The following PRUNE1 variants were observed in gnomAD, a reference collection of about 807,000 sequenced individuals.
The protein encoded by PRUNE1 is prune exopolyphosphatase 1.
A neutral mutation model predicts 42.5 loss-of-function variants in PRUNE1; 25 were observed. That is an observed-to-expected ratio of 0.59 (90% CI 0.43 to 0.82). The LOEUF (loss-of-function observed/expected upper bound fraction) is 0.82. Among genes scored for constraint, PRUNE1 ranks in the 40% least tolerant of loss-of-function variants. The pLI, the probability that PRUNE1 is intolerant of heterozygous loss-of-function variation, is 0.00. For missense variants in PRUNE1, 443 were observed against 539.3 expected, an observed-to-expected ratio of 0.82 and a Z score of 1.77; for synonymous variants, 203 against 217.1, an observed-to-expected ratio of 0.93 and a Z score of 0.57.
intron 6 of PRUNE1, among the ~76,000 whole-genome samples, chr1:151,027,783 C>CGCGCGTGTATGTAT (rs1674964917): frequency 7.7e-6 from 1 of 129,604 alleles, no homozygotes; most frequent in Admixed American, 7.8e-5. Flanking sequence ...TGTGTGTGTG[C>CGCGCGTGTATGTAT]GCGCGCGTGT....
At position 151,027,197 on chromosome 1, in the gene PRUNE1, C is replaced by T. The variant is rs766502738; in HGVS notation, c.680-36C>T. On this transcript the variant is annotated intron_variant, in intron 5 of 7. Coordinates refer to ENST00000271620, the MANE Select transcript of PRUNE1 (RefSeq NM_021222.3). ...TTCTTGGTCTTGGGACCCTGGCCTACCCTGTTTGACCCCTAGTCTCTCATC... is the reference window on the plus strand; with the variant it reads ...TTCTTGGTCTTGGGACCCTGGCCTATCCTGTTTGACCCCTAGTCTCTCATC... The T allele has an allele frequency of 2.0e-6, 3 of 1,509,294 alleles. No homozygotes were observed. In the Admixed American group the frequency reaches 5.0e-5, roughly 25 times the overall value. The allele number at this position is 1,509,294 out of a possible 1,614,324, so 93.5% of individuals were successfully genotyped here.
chr1:151,027,074 C>T (rs1340321695), intron 5 of PRUNE1, among the ~76,000 whole-genome samples, 159 bp from the exon 6 acceptor site: 1 of 152,090 alleles, frequency 6.6e-6, no homozygotes, highest in African/African-American at 2.4e-5. Flanking sequence ...GCCTGAGTCA[C>T]CGCGCCCGGC....
At chr1:151,032,584 C>T (rs1675301645) in intron 7 of PRUNE1, among the ~76,000 whole-genome samples, 1 of 151,734 alleles carries the variant, frequency 6.6e-6, no homozygotes, top group African/African-American at 2.4e-5. Flanking sequence ...CTGGGTGACA[C>T]ATGCCTGTAG....
chr1:151,021,462 A>T (rs1021888687), intron 3 of PRUNE1, among the ~76,000 whole-genome samples: 14 of 152,208 alleles, frequency 9.2e-5, no homozygotes, highest in African/African-American at 3.1e-4. Flanking sequence ...TCTCAAAAAA[A>T]AATTTTTTTT....
At position 151,027,771 on chromosome 1, in the gene PRUNE1, TGTGTGTGTGTGC is replaced by T. The variant is rs1416244307; in HGVS notation, c.774+446_774+457del. Among the ~76,000 whole-genome samples, 68 of 141,498 alleles carry T rather than the reference TGTGTGTGTGTGC, an allele frequency of 4.8e-4. 1 individual carries two copies. In the East Asian group the frequency reaches 9.4e-3, roughly 20 times the overall value. 92.8% of individuals were successfully genotyped at this position (141,498 alleles called of 152,430 possible). ...TAGTGTGTGTGTGTGTGTGTGTGTG[TGTGTGTGTGTGC>T]GCGCGCGTGTATGTATGTGTCGATG... On this transcript the variant is annotated intron_variant, in intron 6 of 7. Transcript: ENST00000271620.
intron 7 of PRUNE1, 87 bp downstream of exon 7, chr1:151,029,031 C>T (rs1675062107): frequency 2.2e-6 from 3 of 1,362,928 alleles, no homozygotes; most frequent in Non-Finnish European, 3.0e-6. Flanking sequence ...CTATAAGGAC[C>T]TCTCTTAGGT....
intron 1 of PRUNE1, among the ~76,000 whole-genome samples, chr1:151,015,344 A>AG (rs1558074922): frequency 1.4e-5 from 2 of 142,176 alleles, no homozygotes; most frequent in South Asian, 2.3e-4. Flanking sequence ...AAAAAAAAAA[A>AG]AAAAACAAGG....
Position 151,035,156 on chromosome 1 carries a change from C to T in PRUNE1, c.*922C>T, listed in dbSNP as rs1005240214. ...TGTATTTTGGCAAGACACTTCACTA[C>T]TCCAGGTCTCACTTTCCCCATCTGT... is the stretch of plus-strand genomic sequence containing the variant. On this transcript the variant is annotated 3_prime_UTR_variant, in exon 8 of 8. Coordinates refer to ENST00000271620, the MANE Select transcript of PRUNE1 (RefSeq NM_021222.3). The T allele has an allele frequency of 2.6e-5, 4 of 152,230 alleles. No individual in the cohort carries two copies. The highest frequency in any genetic ancestry group is 7.2e-5 in the African/African-American group (3 of 41,456). The allele number at this position is 152,230 out of a possible 1,614,324, so 9.4% of individuals were successfully genotyped here.
intron 5 of PRUNE1, among the ~76,000 whole-genome samples, chr1:151,026,373 G>A (rs1221711603): frequency 1.3e-5 from 2 of 151,778 alleles, no homozygotes; most frequent in Admixed American, 6.6e-5. Flanking sequence ...CAGGAAAATC[G>A]CTTGAACCCG....
intron 5 of PRUNE1, among the ~76,000 whole-genome samples, 157 bp from the exon 6 acceptor site, chr1:151,027,076 G>A (rs587762124): frequency 1.1e-4 from 16 of 151,974 alleles, no homozygotes; most frequent in African/African-American, 3.4e-4. Flanking sequence ...CTGAGTCACC[G>A]CGCCCGGCTA....
chr1:151,034,412 C>T lies in PRUNE1; in HGVS notation c.*178C>T. 1.6e-6 allele frequency: 1 copy of T among 631,034 alleles called. No individual in the cohort carries two copies. Among genetic ancestry groups the T allele is most frequent in the Non-Finnish European group, 2.7e-6 (1 of 370,686 alleles). The allele number at this position is 631,034 out of a possible 1,614,324, so 39.1% of individuals were successfully genotyped here. On this transcript the variant is annotated 3_prime_UTR_variant, in exon 8 of 8. Coordinates refer to ENST00000271620, the MANE Select transcript of PRUNE1 (RefSeq NM_021222.3). ...AAGCAGCTGCTTTAAGAATGGTTTT[C>T]CACCTTTTCCCCCTAATCTCTACCA...
At chr1:151,024,507 G>T in intron 3 of PRUNE1, 104 bp from the exon 4 acceptor site, 4 of 1,070,176 alleles carry the variant, frequency 3.7e-6, no homozygotes, top group Non-Finnish European at 5.5e-6. Flanking sequence ...AAAAAAAAAA[G>T]ACATCTGCAT....
intron 1 of PRUNE1, among the ~76,000 whole-genome samples, chr1:151,013,487 T>G (rs1673908918): frequency 2.6e-5 from 4 of 152,238 alleles, no homozygotes; most frequent in Admixed American, 2.0e-4. Flanking sequence ...CCCTACTTTG[T>G]GCTTTTCTGC....
intron 7 of PRUNE1, among the ~76,000 whole-genome samples, chr1:151,032,263 G>T (rs1472614383): frequency 6.7e-6 from 1 of 149,194 alleles, no homozygotes; most frequent in African/African-American, 2.5e-5. Context: ...AAAAATTAAA[G>T]TAAAATAAAA....
At position 151,034,642 on chromosome 1, in the gene PRUNE1, T is replaced by G. The variant is rs1006128733; in HGVS notation, c.*408T>G. 5.9e-6 allele frequency: 1 copy of G among 168,836 alleles called. No homozygotes were observed. The highest frequency in any genetic ancestry group is 2.4e-5 in the African/African-American group (1 of 42,078). The allele number at this position is 168,836 out of a possible 1,614,324, so 10.5% of individuals were successfully genotyped here. Reference sequence around the variant, plus strand: ...GTCTCCATGTATTCATTTATTCACTTGTTCATTCAAGTATTTATTGAATAC... The same window carrying G: ...GTCTCCATGTATTCATTTATTCACTGGTTCATTCAAGTATTTATTGAATAC... On this transcript the variant is annotated 3_prime_UTR_variant, in exon 8 of 8. Coordinates refer to ENST00000271620, the MANE Select transcript of PRUNE1 (RefSeq NM_021222.3).
chr1:151,008,600 G>A lies in PRUNE1; in HGVS notation c.-33G>A. ...TCCTCGACCAGGGGCACCTCTACTC[G>A]ACCAGGGGCGACGGCGTACTTTGGG... On this transcript the variant is annotated 5_prime_UTR_variant, in exon 1 of 8. Coordinates refer to ENST00000271620, the MANE Select transcript of PRUNE1 (RefSeq NM_021222.3). The A allele has an allele frequency of 6.2e-7, 1 of 1,613,932 alleles. No homozygotes were observed. The highest frequency in any genetic ancestry group is 8.5e-7 in the Non-Finnish European group (1 of 1,179,830).
At chr1:151,012,982 C>G (rs950190019) in intron 1 of PRUNE1, among the ~76,000 whole-genome samples, 1 of 152,068 alleles carries the variant, frequency 6.6e-6, no homozygotes, top group Admixed American at 6.6e-5. Flanking sequence ...AGGCTGGTCT[C>G]GAACCCCTGA....
At chr1:151,008,877 T>C in intron 1 of PRUNE1, 1 of 721,514 alleles carries the variant, frequency 1.4e-6, no homozygotes. Context: ...TTGTTCAGTC[T>C]CCCGGTTTTT....
At chr1:151,027,383 A>AT in intron 6 of PRUNE1, 56 bp downstream of exon 6, 6 of 1,329,264 alleles carry the variant, frequency 4.5e-6, no homozygotes, top group Non-Finnish European at 6.5e-6. Context: ...TATGCATGTT[A>AT]TGCATGTGGC....
Sources: allele counts gnomAD v4.1 joint callset (sites outside exome capture counted in the v4.1 genomes callset), GRCh38; gene constraint gnomAD v4.1.1; transcripts MANE v1.5; gene names NCBI Gene and HGNC (gene_info 2026-07-23, HGNC 2026-07-21).